CDH12: variants seen among roughly 807,000 people sequenced by gnomAD.
The protein encoded by CDH12 is cadherin 12.
A neutral mutation model predicts 74.1 loss-of-function variants in CDH12; 41 were observed. That is an observed-to-expected ratio of 0.55 (90% confidence interval 0.43 to 0.72). The LOEUF is 0.72. Among genes scored for constraint, CDH12 ranks in the 30% least tolerant of loss-of-function variants. CDH12 has a pLI of 0.00. For synonymous variants in CDH12, 399 were observed against 355.0 expected (o/e 1.12, Z -1.39); for missense variants, 945 against 977.2 (o/e 0.97, Z 0.44).
chr5:22,390,494 C>T (rs571739272), intron 3 of CDH12, among the ~76,000 whole-genome samples: 1 of 151,818 alleles, frequency 6.6e-6, no homozygotes, highest in Non-Finnish European at 1.5e-5. Context: ...TTTTTATAAG[C>T]ATCTCACTTC....
At chr5:21,862,729 G>A (rs1751110763) in intron 6 of CDH12, among the ~76,000 whole-genome samples, 1 of 152,022 alleles carries the variant, frequency 6.6e-6, no homozygotes, top group East Asian at 1.9e-4. Flanking sequence ...AAACTTGCTA[G>A]GAAGACAGAA....
chr5:22,662,520 G>T (rs17356745), intron 1 of CDH12, among the ~76,000 whole-genome samples: 5,158 of 152,166 alleles, frequency 0.034, 183 homozygotes, highest in Admixed American at 0.092. Flanking sequence ...AACAGCAACA[G>T]ATTTTGGCCA....
intron 1 of CDH12, among the ~76,000 whole-genome samples, chr5:22,784,054 C>T (rs950031009): frequency 7.2e-5 from 11 of 152,024 alleles, no homozygotes; most frequent in African/African-American, 2.7e-4. Context: ...TTATTTTTCT[C>T]TATATATTTA....
chr5:21,824,991 C>A (rs577224656), intron 8 of CDH12, among the ~76,000 whole-genome samples: 1 of 151,488 alleles, frequency 6.6e-6, no homozygotes, highest in African/African-American at 2.4e-5. Flanking sequence ...CCATCTCTAC[C>A]AAAAATAAAA....
intron 4 of CDH12, among the ~76,000 whole-genome samples, chr5:22,144,474 T>A (rs1411998766): frequency 1.3e-5 from 2 of 152,158 alleles, no homozygotes; most frequent in Non-Finnish European, 2.9e-5. Flanking sequence ...ACACATAGAT[T>A]TGAACTCTTT....
At chr5:22,403,802 G>T (rs997082893) in intron 3 of CDH12, among the ~76,000 whole-genome samples, 9 of 152,034 alleles carry the variant, frequency 5.9e-5, no homozygotes, top group African/African-American at 1.9e-4. Flanking sequence ...TGTATTTCAG[G>T]CTTAGATATC....
At chr5:22,269,931 G>T (rs1736308656) in intron 3 of CDH12, among the ~76,000 whole-genome samples, 1 of 152,052 alleles carries the variant, frequency 6.6e-6, no homozygotes, top group South Asian at 2.1e-4. Context: ...GTATTTCCTG[G>T]AGGGATACTT....
chr5:22,187,740 A>G (rs1750044404), intron 4 of CDH12, among the ~76,000 whole-genome samples: 2 of 151,414 alleles, frequency 1.3e-5, no homozygotes, highest in African/African-American at 4.9e-5. Context: ...TTCTTATTCC[A>G]TTTTACTGAA....
Position 21,890,185 on chromosome 5 carries a change from C to T in CDH12, c.527-35395G>A, listed in dbSNP as rs75850106. Among the ~76,000 whole-genome samples, 1,117 of 152,198 alleles carry T rather than the reference C, an allele frequency of 7.3e-3. 18 individuals carry two copies. Among genetic ancestry groups the T allele is most frequent in the African/African-American group, 0.026 (1,060 of 41,552 alleles). ...TTCTTTCTTTTGTCAGGATCTTAAACATCTACTGTACTTTAATTGTTAAGA... is the reference window on the plus strand; with the variant it reads ...TTCTTTCTTTTGTCAGGATCTTAAATATCTACTGTACTTTAATTGTTAAGA... On this transcript the variant is annotated intron_variant, in intron 6 of 14. Transcript: ENST00000382254.
In CDH12 at chr5:21,802,430, G is replaced by A; in HGVS notation, c.1003-10C>T. 1 of 1,607,668 alleles carries A rather than the reference G, an allele frequency of 6.2e-7. No homozygotes were observed. The highest frequency in any genetic ancestry group is 8.5e-7 in the Non-Finnish European group (1 of 1,174,764). On this transcript the variant is annotated splice_polypyrimidine_tract_variant and intron_variant, in intron 9 of 14. Transcript: ENST00000382254. ...TTTCAAAATCTAAAGGCTGTAGTGA[G>A]GACAAATTAAGAATAAGGAGTAAAT...
intron 2 of CDH12, among the ~76,000 whole-genome samples, chr5:22,465,121 A>G (rs902455348): frequency 6.6e-6 from 1 of 151,856 alleles, no homozygotes; most frequent in Non-Finnish European, 1.5e-5. Context: ...AATATTTTGG[A>G]ATCTCTTGTA....
chr5:22,518,652 C>T (rs1736909124), intron 1 of CDH12, among the ~76,000 whole-genome samples: 1 of 152,242 alleles, frequency 6.6e-6, no homozygotes, highest in Non-Finnish European at 1.5e-5. Context: ...GACCATAAGC[C>T]TTGAATTCTT....
intron 9 of CDH12, among the ~76,000 whole-genome samples, chr5:21,805,659 A>G (rs971675178): frequency 6.6e-6 from 1 of 152,150 alleles, no homozygotes; most frequent in South Asian, 2.1e-4. Flanking sequence ...ACCAGCAGTG[A>G]TCTGTCTTTA....
At chr5:21,938,029 C>A (rs1239823784) in intron 6 of CDH12, among the ~76,000 whole-genome samples, 1 of 152,160 alleles carries the variant, frequency 6.6e-6, no homozygotes, top group African/African-American at 2.4e-5. Context: ...TGATAGACAA[C>A]CCCACATCTG....
intron 1 of CDH12, among the ~76,000 whole-genome samples, chr5:22,852,838 T>G (rs1405613371): frequency 1.3e-5 from 2 of 152,234 alleles, no homozygotes; most frequent in Non-Finnish European, 2.9e-5. Context: ...ACGTAACCTC[T>G]CACGGTCTGA....
chr5:22,317,502 C>G (rs758469779), intron 3 of CDH12, among the ~76,000 whole-genome samples: 11 of 151,740 alleles, frequency 7.2e-5, no homozygotes, highest in Non-Finnish European at 1.3e-4. Flanking sequence ...ATAAGACAAC[C>G]AACCATGAAT....
At chr5:22,631,456 TA>T (rs35914836) in intron 1 of CDH12, among the ~76,000 whole-genome samples, 1 of 151,592 alleles carries the variant, frequency 6.6e-6, no homozygotes, top group Admixed American at 6.6e-5. Flanking sequence ...TTTGCAGCCT[TA>T]AAAAAAATGA....
At chr5:22,386,429 G>A (rs1035072897) in intron 3 of CDH12, among the ~76,000 whole-genome samples, 18 of 152,106 alleles carry the variant, frequency 1.2e-4, no homozygotes, top group Admixed American at 9.8e-4. Context: ...ACATCCTGGT[G>A]CTTAAAACCT....
chr5:22,688,582 C>A (rs888364559), intron 1 of CDH12, among the ~76,000 whole-genome samples: 3 of 152,122 alleles, frequency 2.0e-5, no homozygotes, highest in Non-Finnish European at 4.4e-5. Context: ...TACCATCTGG[C>A]AACCTGAGTG....
Sources: allele counts gnomAD v4.1 joint callset (sites outside exome capture counted in the v4.1 genomes callset), GRCh38; gene constraint gnomAD v4.1.1; transcripts MANE v1.5; gene names NCBI Gene and HGNC (gene_info 2026-07-23, HGNC 2026-07-21).